RIMBP2: variants seen among roughly 807,000 people sequenced by gnomAD.
The protein encoded by RIMBP2 is RIMS-binding protein 2.
A neutral mutation model predicts 118.6 loss-of-function variants in RIMBP2; 48 were observed. That is an observed-to-expected ratio of 0.40 (90% confidence interval 0.32 to 0.51). The LOEUF (loss-of-function observed/expected upper bound fraction) is 0.51. Ranked by LOEUF, RIMBP2 falls within the 20% of genes least tolerant of loss-of-function variation. The pLI is 0.41. For synonymous variants in RIMBP2, 762 were observed against 742.9 expected (o/e 1.03, Z -0.42); for missense variants, 1,551 against 1,768.3 (o/e 0.88, Z 2.20).
intron 19 of RIMBP2, among the ~76,000 whole-genome samples, chr12:130,411,143 A>C (rs2075681734): frequency 6.6e-6 from 1 of 152,168 alleles, no homozygotes; most frequent in Non-Finnish European, 1.5e-5. Context: ...TTAATTTCTA[A>C]ATTTTCATTG....
chr12:130,560,684 A>G (rs895914489), intron 2 of RIMBP2, among the ~76,000 whole-genome samples: 3 of 152,190 alleles, frequency 2.0e-5, no homozygotes, highest in Admixed American at 6.5e-5. Flanking sequence ...CCTCAATCGC[A>G]TGTGTCTTAA....
At chr12:130,563,029 T>A (rs2056936124) in intron 2 of RIMBP2, among the ~76,000 whole-genome samples, 1 of 152,236 alleles carries the variant, frequency 6.6e-6, no homozygotes, top group Admixed American at 6.5e-5. Context: ...TCATCTATCT[T>A]TCTAACTGAG....
chr12:130,468,736 C>G (rs139383665), intron 6 of RIMBP2, among the ~76,000 whole-genome samples: 1 of 152,132 alleles, frequency 6.6e-6, no homozygotes, highest in Admixed American at 6.5e-5. Context: ...CCGAATTAAC[C>G]GAATTCAGGG....
intron 2 of RIMBP2, among the ~76,000 whole-genome samples, chr12:130,521,595 C>T (rs899158272): frequency 4.6e-5 from 7 of 152,182 alleles, no homozygotes; most frequent in African/African-American, 1.7e-4. Flanking sequence ...GGCTTTGACG[C>T]TGTTGAGTAC....
chr12:130,580,876 G>T (rs1371133680), intron 2 of RIMBP2, among the ~76,000 whole-genome samples: 12 of 152,098 alleles, frequency 7.9e-5, no homozygotes, highest in African/African-American at 2.7e-4. Context: ...GGGGGCGGAG[G>T]TTGCAGTGAG....
chr12:130,487,323 C>T (rs755895104), intron 4 of RIMBP2, among the ~76,000 whole-genome samples: 8 of 151,784 alleles, frequency 5.3e-5, no homozygotes, highest in Admixed American at 1.3e-4. Context: ...GTCTGGGTCA[C>T]GGGGGCATAG....
intron 2 of RIMBP2, among the ~76,000 whole-genome samples, chr12:130,585,810 G>C (rs910936584): frequency 1.3e-5 from 2 of 152,124 alleles, no homozygotes; most frequent in African/African-American, 4.8e-5. Flanking sequence ...CGCTGCCCTG[G>C]ACTCTGCAGG....
At chr12:130,648,665 T>C (rs1259247548) in intron 1 of RIMBP2, among the ~76,000 whole-genome samples, 1 of 144,154 alleles carries the variant, frequency 6.9e-6, no homozygotes, top group Non-Finnish European at 1.6e-5. Flanking sequence ...TATCTTTTTT[T>C]TTTTTTTTGA....
intron 2 of RIMBP2, among the ~76,000 whole-genome samples, chr12:130,604,065 A>G (rs2060017472): frequency 6.6e-6 from 1 of 152,174 alleles, no homozygotes; most frequent in Non-Finnish European, 1.5e-5. Context: ...CAGGACATGC[A>G]GGTGCAAGAC....
intron 2 of RIMBP2, among the ~76,000 whole-genome samples, chr12:130,563,833 C>G (rs747690256): frequency 6.6e-5 from 10 of 152,208 alleles, no homozygotes; most frequent in Non-Finnish European, 1.5e-4. Flanking sequence ...AAATGTAAGT[C>G]AGCTTGCATC....
intron 2 of RIMBP2, among the ~76,000 whole-genome samples, chr12:130,519,494 T>G (rs889163379): frequency 1.3e-5 from 2 of 152,264 alleles, no homozygotes; most frequent in Non-Finnish European, 2.9e-5. Context: ...TGAGATGGTC[T>G]GGATGGCATA....
chr12:130,535,094 C>G (rs894591197), intron 2 of RIMBP2, among the ~76,000 whole-genome samples: 7 of 152,210 alleles, frequency 4.6e-5, no homozygotes, highest in African/African-American at 1.7e-4. Context: ...GACCTCTGAT[C>G]GCTGGCCGGC....
At chr12:130,644,962 C>T (rs2062788178) in intron 1 of RIMBP2, among the ~76,000 whole-genome samples, 1 of 152,238 alleles carries the variant, frequency 6.6e-6, no homozygotes, top group South Asian at 2.1e-4. Context: ...GTCCGGGAGC[C>T]AGCGCCTAGT....
intron 2 of RIMBP2, among the ~76,000 whole-genome samples, chr12:130,588,578 G>A (rs1402817662): frequency 6.6e-6 from 1 of 152,212 alleles, no homozygotes; most frequent in East Asian, 1.9e-4. Flanking sequence ...GAGAGGTAGT[G>A]GACGTGTATC....
intron 2 of RIMBP2, among the ~76,000 whole-genome samples, chr12:130,538,226 A>G (rs2054247081): frequency 6.6e-6 from 1 of 152,214 alleles, no homozygotes; most frequent in African/African-American, 2.4e-5. Flanking sequence ...TATAAAAATG[A>G]AAGAATATAA....
chr12:130,706,695 G>C (rs543013536), intron 1 of RIMBP2, among the ~76,000 whole-genome samples: 173 of 152,374 alleles, frequency 1.1e-3, no homozygotes, highest in Non-Finnish European at 1.9e-3. Context: ...GGTGCCTTTT[G>C]ACAGTTAAAT....
At chr12:130,479,591 CCTCCCGGG>C (rs2081769051) in intron 4 of RIMBP2, among the ~76,000 whole-genome samples, 1 of 127,216 alleles carries the variant, frequency 7.9e-6, no homozygotes, top group African/African-American at 4.6e-5. Flanking sequence ...GAGTCCGCAC[CCTCCCGGG>C]AGCTTCCCGG....
At chr12:130,676,382 T>C (rs1274358097) in intron 1 of RIMBP2, among the ~76,000 whole-genome samples, 1 of 149,564 alleles carries the variant, frequency 6.7e-6, no homozygotes, top group African/African-American at 2.5e-5. Flanking sequence ...ACCAGCACTT[T>C]CGGAGGCCAA....
intron 2 of RIMBP2, among the ~76,000 whole-genome samples, chr12:130,612,766 T>C (rs1308875580): frequency 1.3e-5 from 2 of 152,150 alleles, no homozygotes; most frequent in East Asian, 3.9e-4. Context: ...CCCCCCTGGA[T>C]GCAGACACTG....
Sources: allele counts gnomAD v4.1 joint callset (sites outside exome capture counted in the v4.1 genomes callset), GRCh38; gene constraint gnomAD v4.1.1; transcripts MANE v1.5; gene names NCBI Gene and HGNC (gene_info 2026-07-23, HGNC 2026-07-21).